The following MUC12 variants were observed in gnomAD, a reference collection of about 807,000 sequenced individuals.
The protein encoded by MUC12 is mucin 12, cell surface associated.
MUC12 carries 172 observed loss-of-function variants against 230.8 expected under a neutral mutation model. The ratio of observed to expected loss-of-function variants is 0.75; its 90% confidence interval spans 0.66 to 0.85. The LOEUF (loss-of-function observed/expected upper bound fraction) is 0.85, where lower values mean the gene tolerates loss of function less well. MUC12 is among the 40% of genes least tolerant of loss of function. The pLI, the probability that MUC12 is intolerant of heterozygous loss-of-function variation, is 0.00. For missense variants in MUC12, 3,506 were observed against 5,920.6 expected, an observed-to-expected ratio of 0.59 and a Z score of 13.38; for synonymous variants, 1,259 against 2,401.9, an observed-to-expected ratio of 0.52 and a Z score of 13.91.
rs1793731248 is a variant in MUC12 at position 101,005,438 on chromosome 7, G to A, written c.14875G>A (p.Glu4959Lys). 2 of 1,537,790 alleles carry A rather than the reference G, an allele frequency of 1.3e-6. No homozygotes were observed. Among genetic ancestry groups the A allele is most frequent in the East Asian group, 2.4e-5 (1 of 40,944 alleles). Residue 4959 changes from glutamate to lysine, a missense_variant, in exon 2 of 12, where the codon GAG becomes AAG. Transcript: ENST00000536621. The part of the protein sequence containing the change: ...PASSSTSGLT[E>K]ESTTFHTSPS... ...GAGTTCCAGCACATCAGGCCTCACT[G>A]AGGAATCTACCACCTTCCACACCAG...
intron 1 of MUC12, among the ~76,000 whole-genome samples, chr7:100,975,795 T>A (rs73712023): frequency 6.6e-6 from 1 of 152,308 alleles, no homozygotes; most frequent in Non-Finnish European, 1.5e-5. Context: ...AATTCAGAAC[T>A]GCATTGTCTG....
At position 100,992,005 on chromosome 7, in the gene MUC12, C is replaced by A. The variant is rs763146381; in HGVS notation, c.1442C>A (p.Pro481His). ...SSGSMETTALPGSTTKPGLSE... is the reference protein window; with the variant it reads ...SSGSMETTALHGSTTKPGLSE... ...GGCTCAATGGAAACCACAGCGTTAC[C>A]CGGCAGTACCACAAAACCAGGCCTC... Residue 481 changes from proline to histidine, a missense_variant, in exon 2 of 12, where the codon CCC becomes CAC. Transcript: ENST00000536621. The A allele has an allele frequency of 6.5e-7, 1 of 1,537,772 alleles. No individual in the cohort carries two copies. The highest frequency in any genetic ancestry group is 2.4e-5 in the East Asian group (1 of 40,940).
chr7:101,012,535 G>C, intron 6 of MUC12, 88 bp downstream of exon 6: 4 of 1,398,426 alleles, frequency 2.9e-6, no homozygotes, highest in Non-Finnish European at 3.8e-6. Context: ...TCTTTCTTCT[G>C]GTACTCCCAA....
chr7:100,975,581 A>G (rs1793014830), intron 1 of MUC12, among the ~76,000 whole-genome samples: 1 of 152,270 alleles, frequency 6.6e-6, no homozygotes, highest in Non-Finnish European at 1.5e-5. Flanking sequence ...AGGGTGAATA[A>G]ACAGTTTATA....
At chr7:101,010,640 G>A (rs907875805) in intron 5 of MUC12, among the ~76,000 whole-genome samples, 1 of 151,996 alleles carries the variant, frequency 6.6e-6, no homozygotes, top group Non-Finnish European at 1.5e-5. Context: ...TTAGCTTCCC[G>A]AGTAGCTGGG....
rs752644730 is a variant in MUC12, at chr7:100,991,945, T to C, written c.1382T>C (p.Leu461Pro). Reference protein sequence around the residue: ...VLPAGSTPSVLVGDSTPSPIS... With the variant: ...VLPAGSTPSVPVGDSTPSPIS... The stretch of plus-strand genomic sequence containing the variant: ...CCTGCCGGCTCTACACCCTCAGTTC[T>C]TGTTGGAGACTCGACGCCCTCACCC... Residue 461 changes from leucine to proline, a missense_variant, in exon 2 of 12, where the codon CTT becomes CCT. Transcript: ENST00000536621. The C allele has an allele frequency of 9.9e-5, 153 of 1,537,872 alleles. No individual in the cohort carries two copies. The Middle Eastern group carries it at 3.2e-3, about 32-fold the overall frequency.
Position 100,991,819 on chromosome 7 carries a change from C to G in MUC12, c.1256C>G (p.Thr419Ser), listed in dbSNP as rs1156443430. Reference sequence around the variant, plus strand: ...AGCTACCACAGCAGCCTGGGCTCAACTGAAACAACACACTTCCGTGATAGC... The same window carrying G: ...AGCTACCACAGCAGCCTGGGCTCAAGTGAAACAACACACTTCCGTGATAGC... ...HTSYHSSLGS[T>S]ETTHFRDSST... is the part of the protein sequence containing the mutation. Residue 419 changes from threonine to serine, a missense_variant, in exon 2 of 12, where the codon ACT (threonine) becomes AGT (serine). Physicochemically the swap from Thr to Ser is moderately conservative, Grantham distance 58. Coordinates refer to ENST00000536621, the MANE Select transcript of MUC12 (RefSeq NM_001164462.2). 2.4e-5 allele frequency: 37 copies of G among 1,537,858 alleles called. No individual in the cohort carries two copies. The highest frequency in any genetic ancestry group is 3.1e-5 in the Non-Finnish European group (35 of 1,147,060).
chr7:100,991,155 AG>A lies in MUC12; in HGVS notation c.593del (p.Ser198ThrfsTer210), dbSNP rs1793286270. ...GVSQESTASH[S>X]IPGSTDTTLS... ...CAGTCAGGAATCTACAGCTTCCCAC[AG>A]CATCCCCGGCTCCACAGACACAACA... On this transcript the variant is annotated frameshift_variant, in exon 2 of 12. Transcript: ENST00000536621. LOFTEE classifies it high-confidence loss of function. 4 of 1,537,806 alleles carry A rather than the reference AG, an allele frequency of 2.6e-6. No homozygotes were observed. In the East Asian group the frequency reaches 9.8e-5, roughly 38 times the overall value.
chr7:100,992,006 C>G lies in MUC12; in HGVS notation c.1443C>G (p.Pro481=). 6.5e-7 allele frequency: 1 copy of G among 1,537,964 alleles called. No homozygotes were observed. The highest frequency in any genetic ancestry group is 1.2e-5 in the South Asian group (1 of 84,060). Residue 481 remains proline (P), a synonymous_variant, in exon 2 of 12, where the codon CCC becomes CCG. Coordinates refer to ENST00000536621, the MANE Select transcript of MUC12 (RefSeq NM_001164462.2). The part of the protein sequence containing the change: ...SSGSMETTAL[P]GSTTKPGLSE... The stretch of plus-strand genomic sequence containing the variant: ...GCTCAATGGAAACCACAGCGTTACC[C>G]GGCAGTACCACAAAACCAGGCCTCA...
In MUC12 at chr7:100,991,866, G is replaced by A. The variant is rs1018327890; in HGVS notation, c.1303G>A (p.Glu435Lys). Residue 435 changes from glutamate (E) to lysine (K), a missense_variant, in exon 2 of 12, where the codon GAG (glutamate) becomes AAG (lysine). Physicochemically the swap from Glu to Lys is moderately conservative, Grantham distance 56. Coordinates refer to ENST00000536621, the MANE Select transcript of MUC12 (RefSeq NM_001164462.2). ...RDSSTISGRS[E>K]ESKASHSSPD... Reference sequence around the variant, plus strand: ...TAGCTCCACAATCTCAGGCCGTAGTGAGGAATCAAAAGCATCCCACAGCAG... The same window carrying A: ...TAGCTCCACAATCTCAGGCCGTAGTAAGGAATCAAAAGCATCCCACAGCAG... 8 of 1,537,542 alleles carry A rather than the reference G, an allele frequency of 5.2e-6. No homozygotes were observed. In the African/African-American group the frequency reaches 6.8e-5, roughly 13 times the overall value.
chr7:100,975,636 A>C (rs1476458427), intron 1 of MUC12, among the ~76,000 whole-genome samples: 1 of 51,704 alleles, frequency 1.9e-5, no homozygotes, highest in Non-Finnish European at 4.2e-5. Context: ...CCACAGCCCA[A>C]TCTGCTGCTG....
At position 100,990,628 on chromosome 7, in the gene MUC12, C is replaced by A; in HGVS notation, c.68-3C>A. The A allele has an allele frequency of 6.5e-7, 1 of 1,537,424 alleles. No homozygotes were observed. Among genetic ancestry groups the A allele is most frequent in the Non-Finnish European group, 8.7e-7 (1 of 1,146,954 alleles). The stretch of plus-strand genomic sequence containing the variant: ...ACTTTCTCTGGTTTCTCTCAAATCA[C>A]AGGCTCAACAGTAAACACCAGTATT... On this transcript the variant is annotated splice_polypyrimidine_tract_variant and splice_region_variant and intron_variant, in intron 1 of 11. Transcript: ENST00000536621.
Position 100,975,973 on chromosome 7 carries a change from G to A in MUC12, c.67+6284G>A, listed in dbSNP as rs1352986312. Among the ~76,000 whole-genome samples the A allele has an allele frequency of 6.6e-5, 10 of 152,404 alleles. No homozygotes were observed. The South Asian group carries it at 8.3e-4, about 13-fold the overall frequency. On this transcript the variant is annotated intron_variant, in intron 1 of 11. Coordinates refer to ENST00000536621, the MANE Select transcript of MUC12 (RefSeq NM_001164462.2). ...CAGTTGGAGAAGTCAATAGAGACCC[G>A]ATAGTCTGAGTATCATATTAATATT... is the stretch of plus-strand genomic sequence containing the variant.
Position 100,992,456 on chromosome 7 carries a change from T to C in MUC12, c.1893T>C (p.Ser631=), listed in dbSNP as rs1432269061. 6.5e-6 allele frequency: 10 copies of C among 1,537,766 alleles called. No homozygotes were observed. Among genetic ancestry groups the C allele is most frequent in the Non-Finnish European group, 7.8e-6 (9 of 1,147,030 alleles). The change falls in exon 2 of 12, where the codon TCT becomes TCC. Residue 631 remains serine (S), a synonymous_variant. Coordinates refer to ENST00000536621, the MANE Select transcript of MUC12 (RefSeq NM_001164462.2). The part of the protein sequence containing the change: ...PAGSTTRQGE[S]TTFHSWPSSK... ...GCTCTACAACCCGTCAGGGAGAATCTACCACATTCCATAGCTGGCCAAGCT... is the reference window on the plus strand; with the variant it reads ...GCTCTACAACCCGTCAGGGAGAATCCACCACATTCCATAGCTGGCCAAGCT...
rs1042774931 is a variant in MUC12 at position 101,006,417 on chromosome 7, G to A, written c.14957-54G>A. ...GACTGGACCTGGAATGGGAGTGCGT[G>A]TTTTTGCTCTTTGGGCTCCCACGGT... is the stretch of plus-strand genomic sequence containing the variant. On this transcript the variant is annotated intron_variant, in intron 2 of 11. Transcript: ENST00000536621. 11 of 1,292,998 alleles carry A rather than the reference G, an allele frequency of 8.5e-6. No individual in the cohort carries two copies. In the African/African-American group the frequency reaches 1.5e-4, roughly 17 times the overall value. The allele number at this position is 1,292,998 out of a possible 1,614,324, so 80.1% of individuals were successfully genotyped here.
rs561288370 is a variant in MUC12 at position 101,013,311 on chromosome 7, C to G, written c.15638+169C>G. 5.0e-4 allele frequency among the ~76,000 whole-genome samples: 76 copies of G among 152,286 alleles called. 1 individual carries two copies. Among genetic ancestry groups the G allele is most frequent in the African/African-American group, 1.7e-3 (71 of 41,556 alleles). Reference sequence around the variant, plus strand: ...ATCTCATTCCCACCCCCCACACCCACAAGAGTGAGGAGTAGGAGTAGATTA... The same window carrying G: ...ATCTCATTCCCACCCCCCACACCCAGAAGAGTGAGGAGTAGGAGTAGATTA... On this transcript the variant is annotated intron_variant, in intron 8 of 11. Transcript: ENST00000536621.
chr7:101,007,169 G>C (rs1260364671), intron 3 of MUC12, among the ~76,000 whole-genome samples: 2 of 152,142 alleles, frequency 1.3e-5, no homozygotes, highest in Admixed American at 6.5e-5. Flanking sequence ...ATATTGGCCA[G>C]GCTGGTATGG....
At chr7:100,980,335 C>A (rs1479047577) in intron 1 of MUC12, among the ~76,000 whole-genome samples, 1 of 152,172 alleles carries the variant, frequency 6.6e-6, no homozygotes, top group Non-Finnish European at 1.5e-5. Flanking sequence ...AGCCACCATG[C>A]CCAGCCTGAA....
chr7:101,012,542 C>T (rs1215882937), intron 6 of MUC12, 95 bp downstream of exon 6: 47 of 1,361,682 alleles, frequency 3.5e-5, no homozygotes, highest in Non-Finnish European at 4.2e-5. Flanking sequence ...TCTGGTACTC[C>T]CAAGACTTCT....
Sources: gnomAD v4.1 joint callset for allele counts (sites outside exome capture counted in the v4.1 genomes callset) on GRCh38, gnomAD v4.1.1 for gene constraint, MANE v1.5 for transcripts, NCBI Gene and HGNC (gene_info 2026-07-23, HGNC 2026-07-21) for gene names.